Variants in TRAPPC9 observed in about 807,000 individuals in gnomAD.
TRAPPC9 encodes the protein IKK2 binding protein.
In TRAPPC9, 83 loss-of-function variants were observed where a neutral mutation model predicts 124.0. The ratio of observed to expected loss-of-function variants is 0.67; its 90% CI spans 0.56 to 0.80. The LOEUF (loss-of-function observed/expected upper bound fraction) is 0.80. Ranked by LOEUF, TRAPPC9 falls within the 30% of genes least tolerant of loss-of-function variation. The pLI, the probability that TRAPPC9 is intolerant of heterozygous loss-of-function variation, is 0.00. For synonymous variants in TRAPPC9, 638 were observed against 617.5 expected (o/e 1.03, Z -0.49); for missense variants, 1,302 against 1,508.3 (o/e 0.86, Z 2.27).
chr8:139,858,424 C>T (rs908189776), intron 21 of TRAPPC9, among the ~76,000 whole-genome samples: 17 of 152,360 alleles, frequency 1.1e-4, no homozygotes, highest in African/African-American at 1.7e-4. Flanking sequence ...GGCTCCTCCA[C>T]GGCTCAGGGT....
At chr8:140,043,414 C>G (rs1841385831) in intron 17 of TRAPPC9, among the ~76,000 whole-genome samples, 1 of 152,190 alleles carries the variant, frequency 6.6e-6, no homozygotes, top group Non-Finnish European at 1.5e-5. Flanking sequence ...GCTTAAAGAG[C>G]ATGAAGTAAC....
At position 139,830,210 on chromosome 8, in the gene TRAPPC9, A is replaced by G. The variant is rs113788835; in HGVS notation, c.3055+55669T>C. On this transcript the variant is annotated intron_variant, in intron 21 of 22. Coordinates refer to ENST00000438773, the MANE Select transcript of TRAPPC9 (RefSeq NM_001160372.4). ...TATACAAACACATACACACACATGC[A>G]TACACACACAAATGAGCATACACAT... 5.5e-3 allele frequency among the ~76,000 whole-genome samples: 832 copies of G among 152,278 alleles called. 8 individuals are homozygous for G. The highest frequency in any genetic ancestry group is 0.019 in the African/African-American group (798 of 41,556).
At chr8:140,173,795 C>A (rs548184068) in intron 17 of TRAPPC9, among the ~76,000 whole-genome samples, 2 of 152,126 alleles carry the variant, frequency 1.3e-5, no homozygotes, top group Admixed American at 6.5e-5. Flanking sequence ...CAATGTGGTA[C>A]GGAAATATCA....
intron 20 of TRAPPC9, among the ~76,000 whole-genome samples, chr8:139,909,923 A>G (rs1397378311): frequency 2.0e-5 from 3 of 152,226 alleles, no homozygotes; most frequent in African/African-American, 7.2e-5. Context: ...ACCGGCTCCG[A>G]GAAGACCTTT....
intron 21 of TRAPPC9, among the ~76,000 whole-genome samples, chr8:139,740,036 C>A (rs1263728064): frequency 6.6e-6 from 1 of 152,198 alleles, no homozygotes; most frequent in Non-Finnish European, 1.5e-5. Context: ...ACATGAGGGA[C>A]CAGGGCCATG....
At chr8:140,076,579 C>T (rs1448030646) in intron 17 of TRAPPC9, among the ~76,000 whole-genome samples, 1 of 152,212 alleles carries the variant, frequency 6.6e-6, no homozygotes, top group Non-Finnish European at 1.5e-5. Context: ...GCCATGGGGC[C>T]CATCCCCTCT....
intron 21 of TRAPPC9, among the ~76,000 whole-genome samples, chr8:139,750,096 A>G (rs760920830): frequency 1.4e-3 from 211 of 152,150 alleles, no homozygotes; most frequent in Non-Finnish European, 1.8e-3. Context: ...TGGATACAGG[A>G]GGGTCCACAG....
At chr8:139,760,643 G>A (rs938875327) in intron 21 of TRAPPC9, among the ~76,000 whole-genome samples, 4 of 152,126 alleles carry the variant, frequency 2.6e-5, no homozygotes, top group Admixed American at 6.5e-5. Context: ...AGGGCTCCTC[G>A]CCTTCCACCA....
chr8:139,846,488 G>A (rs1017148813), intron 21 of TRAPPC9, among the ~76,000 whole-genome samples: 1 of 152,204 alleles, frequency 6.6e-6, no homozygotes. Flanking sequence ...CCTAAATCAA[G>A]GGGAGGCAGT....
intron 16 of TRAPPC9, among the ~76,000 whole-genome samples, chr8:140,230,290 T>C (rs2063560165): frequency 6.6e-6 from 1 of 152,194 alleles, no homozygotes; most frequent in East Asian, 1.9e-4. Context: ...TTGCATTTTC[T>C]TCCCTTCTAA....
chr8:140,433,024 C>A (rs1263292914), intron 4 of TRAPPC9, among the ~76,000 whole-genome samples: 1 of 152,148 alleles, frequency 6.6e-6, no homozygotes, highest in African/African-American at 2.4e-5. Flanking sequence ...GCATAATCGG[C>A]CAAGCACAGT....
In TRAPPC9 at chr8:139,951,217, G is replaced by T. The variant is rs1834625596; in HGVS notation, c.2810+37509C>A. Among the ~76,000 whole-genome samples the T allele has an allele frequency of 3.9e-5, 6 of 152,184 alleles. No homozygotes were observed. The South Asian group carries it at 1.2e-3, about 32-fold the overall frequency. ...CACACAAAGCCCTACTCCTATAGGGGCTTGATGCCTGCAGGCCCCACCGTT... is the reference window on the plus strand; with the variant it reads ...CACACAAAGCCCTACTCCTATAGGGTCTTGATGCCTGCAGGCCCCACCGTT... On this transcript the variant is annotated intron_variant, in intron 19 of 22. Coordinates refer to ENST00000438773, the MANE Select transcript of TRAPPC9 (RefSeq NM_001160372.4).
intron 16 of TRAPPC9, among the ~76,000 whole-genome samples, chr8:140,230,529 G>C (rs1188972589): frequency 6.6e-6 from 1 of 151,844 alleles, no homozygotes; most frequent in Non-Finnish European, 1.5e-5. Flanking sequence ...GGAGAATGAT[G>C]TGAACCCAGG....
At chr8:140,003,189 G>A (rs1432769681) in intron 18 of TRAPPC9, among the ~76,000 whole-genome samples, 1 of 151,776 alleles carries the variant, frequency 6.6e-6, no homozygotes, top group Non-Finnish European at 1.5e-5. Context: ...TAAAACATTG[G>A]GCAAAAAGAC....
rs1832220855 is a variant in TRAPPC9 at position 139,917,374 on chromosome 8, G to A, written c.2811-7074C>T. ...TTTTTCTATTTTTAGTAGAGACGGG[G>A]TTTCACTGTGTTAGCCCGGATGGTC... On this transcript the variant is annotated intron_variant, in intron 19 of 22. Coordinates refer to ENST00000438773, the MANE Select transcript of TRAPPC9 (RefSeq NM_001160372.4). Among the ~76,000 whole-genome samples, 10 of 151,816 alleles carry A rather than the reference G, an allele frequency of 6.6e-5. No individual in the cohort carries two copies. In the South Asian group the frequency reaches 2.1e-3, roughly 31 times the overall value.
At chr8:139,775,343 C>T (rs529024995) in intron 21 of TRAPPC9, among the ~76,000 whole-genome samples, 335 of 152,286 alleles carry the variant, frequency 2.2e-3, no homozygotes, top group South Asian at 3.5e-3. Context: ...GAGACCGAGC[C>T]GAGCCCTGAT....
intron 15 of TRAPPC9, among the ~76,000 whole-genome samples, chr8:140,266,629 C>T (rs147282914): frequency 0.1 from 15,848 of 151,894 alleles, 1,082 homozygotes; most frequent in Admixed American, 0.17. Context: ...GAGGCCAAGG[C>T]GGGTGGATTA....
intron 7 of TRAPPC9, among the ~76,000 whole-genome samples, chr8:140,391,765 G>A (rs915884168): frequency 9.3e-5 from 14 of 150,148 alleles, no homozygotes; most frequent in African/African-American, 2.5e-4. Context: ...GGTGGCTCAC[G>A]CCTGTAATCC....
intron 17 of TRAPPC9, among the ~76,000 whole-genome samples, chr8:140,183,648 C>A (rs186343793): frequency 2.1e-3 from 323 of 151,878 alleles, no homozygotes; most frequent in Admixed American, 4.4e-3. Flanking sequence ...CACCTGAGGT[C>A]AGGGGTTCGA....
Sources: allele counts gnomAD v4.1 joint callset (sites outside exome capture counted in the v4.1 genomes callset), GRCh38; gene constraint gnomAD v4.1.1; transcripts MANE v1.5; gene names NCBI Gene and HGNC (gene_info 2026-07-23, HGNC 2026-07-21).